The following TBCD variants were observed in gnomAD, a reference collection of about 807,000 sequenced individuals.
TBCD encodes the protein tubulin folding cofactor D.
TBCD carries 105 observed loss-of-function variants against 169.3 expected under a neutral mutation model. The ratio of observed to expected loss-of-function variants is 0.62; its 90% CI spans 0.53 to 0.73. The LOEUF is 0.73. TBCD is among the 30% of genes least tolerant of loss of function. The pLI is 0.00. For synonymous variants in TBCD, 700 were observed against 643.9 expected (o/e 1.09, Z -1.32); for missense variants, 1,444 against 1,600.1 (o/e 0.90, Z 1.66).
chr17:82,793,587 C>T (rs921618841), intron 7 of TBCD, among the ~76,000 whole-genome samples: 1 of 152,212 alleles, frequency 6.6e-6, no homozygotes, highest in Admixed American at 6.5e-5. Context: ...CTGCAGGGTG[C>T]AGCCCAGCAT....
At chr17:82,927,694 G>A (rs1032048807) in intron 29 of TBCD, among the ~76,000 whole-genome samples, 3 of 152,084 alleles carry the variant, frequency 2.0e-5, no homozygotes, top group South Asian at 2.1e-4. Context: ...TCGGGGCCCC[G>A]GTGTGTGTGG....
At chr17:82,925,690 C>T (rs747763514) in intron 27 of TBCD, among the ~76,000 whole-genome samples, 3 of 152,202 alleles carry the variant, frequency 2.0e-5, no homozygotes, top group Non-Finnish European at 2.9e-5. Context: ...GGGTGGGCCT[C>T]GCAGCCGCCA....
chr17:82,942,109 C>CTG (rs1241341022), intron 38 of TBCD: 4 of 438,690 alleles, frequency 9.1e-6, no homozygotes, highest in African/African-American at 2.0e-5. Flanking sequence ...TCCCCCATTT[C>CTG]TGTGTGTGTA....
In TBCD at chr17:82,930,288, A is replaced by G. The variant is rs6502015; in HGVS notation, c.2992-234A>G. The G allele has an allele frequency of 0.3, 163,097 of 550,702 alleles. 26,693 individuals are homozygous for G. Among genetic ancestry groups the G allele is most frequent in the African/African-American group, 0.55 (28,776 of 51,856 alleles). 34.1% of individuals were successfully genotyped at this position (550,702 alleles called of 1,614,324 possible). ...CGTCACGTGCTCTCCCGCATGTCCT[A>G]AGTGAGGGCTCAGGCTGAGCTGCCG... On this transcript the variant is annotated intron_variant, in intron 32 of 38. Transcript: ENST00000355528. The surrounding 1 kb of genome is among the most constrained non-coding windows in gnomAD (Gnocchi z 5.2).
chr17:82,830,751 C>T, intron 13 of TBCD: 1 of 1,613,934 alleles, frequency 6.2e-7, no homozygotes, highest in Non-Finnish European at 8.5e-7. Flanking sequence ...CCAGGTTTAT[C>T]TCTGATTTCT....
chr17:82,898,837 A>G lies in TBCD; in HGVS notation c.1650-1814A>G, dbSNP rs567771427. ...AAGATGTAACTTTTATTTTTGAGACATAATTTACACGCTTTCAGCTGCCCC... is the reference window on the plus strand; with the variant it reads ...AAGATGTAACTTTTATTTTTGAGACGTAATTTACACGCTTTCAGCTGCCCC... On this transcript the variant is annotated intron_variant, in intron 17 of 38. Transcript: ENST00000355528. Among the ~76,000 whole-genome samples, 3 of 149,848 alleles carry G rather than the reference A, an allele frequency of 2.0e-5. No homozygotes were observed. In the South Asian group the frequency reaches 6.3e-4, roughly 31 times the overall value.
rs2050939772 is a variant in TBCD, at chr17:82,806,096, C to T, written c.1087+85C>T. The T allele has an allele frequency of 5.8e-6, 9 of 1,539,672 alleles. No individual in the cohort carries two copies. The highest frequency in any genetic ancestry group is 1.8e-4 in the Middle Eastern group (1 of 5,686). On this transcript the variant is annotated intron_variant, in intron 10 of 38. Coordinates refer to ENST00000355528, the MANE Select transcript of TBCD (RefSeq NM_005993.5). The surrounding 1 kb of genome is among the most constrained non-coding windows in gnomAD (Gnocchi z 5.1). Reference sequence around the variant, plus strand: ...ACTCCAGGACCACACTTCCTTCTTCCTTGCTGGTGCCGGCACTGTCTGGCC... The same window carrying T: ...ACTCCAGGACCACACTTCCTTCTTCTTTGCTGGTGCCGGCACTGTCTGGCC...
chr17:82,810,785 G>C (rs925064647), intron 12 of TBCD, among the ~76,000 whole-genome samples: 1 of 152,242 alleles, frequency 6.6e-6, no homozygotes, highest in Non-Finnish European at 1.5e-5. Flanking sequence ...CGTGGCGAAA[G>C]CTGTGCTGTC....
chr17:82,856,085 A>G (rs1233966281), intron 13 of TBCD, among the ~76,000 whole-genome samples: 3 of 131,186 alleles, frequency 2.3e-5, no homozygotes, highest in East Asian at 2.2e-4. Flanking sequence ...TGATCCTCTC[A>G]TCTTGGCCTC....
At chr17:82,802,843 G>A (rs575776435) in intron 9 of TBCD, among the ~76,000 whole-genome samples, 47 of 152,360 alleles carry the variant, frequency 3.1e-4, no homozygotes, top group African/African-American at 1.1e-3. Context: ...GCCCCACGGC[G>A]CAGTCAGGTT....
intron 7 of TBCD, among the ~76,000 whole-genome samples, chr17:82,786,515 G>A (rs2049326826): frequency 6.6e-6 from 1 of 152,224 alleles, no homozygotes; most frequent in African/African-American, 2.4e-5. Flanking sequence ...TGGCCTGGGA[G>A]CCTCCCCTCC....
intron 7 of TBCD, among the ~76,000 whole-genome samples, chr17:82,790,397 G>A (rs936716341): frequency 1.6e-4 from 25 of 152,178 alleles, no homozygotes; most frequent in Non-Finnish European, 7.4e-5. Context: ...GCGTGGCCTC[G>A]GAAGCTTGTG....
At chr17:82,928,080 A>G (rs2061904807) in intron 30 of TBCD, 92 bp downstream of exon 30, 1 of 1,148,630 alleles carries the variant, frequency 8.7e-7, no homozygotes, top group East Asian at 2.4e-5. Context: ...GCTCAGTGGC[A>G]TTTGCACTGC....
At chr17:82,804,845 C>T (rs946688654) in intron 9 of TBCD, among the ~76,000 whole-genome samples, 1 of 152,220 alleles carries the variant, frequency 6.6e-6, no homozygotes, top group African/African-American at 2.4e-5. Flanking sequence ...AACTGCCCCC[C>T]TCCTTGTTTC....
chr17:82,854,034 G>A (rs541148554), intron 13 of TBCD, among the ~76,000 whole-genome samples: 27 of 152,192 alleles, frequency 1.8e-4, no homozygotes, highest in African/African-American at 6.0e-4. Context: ...CTTGTACCAC[G>A]AATATTCAGA....
intron 14 of TBCD, among the ~76,000 whole-genome samples, chr17:82,883,129 G>A (rs907389462): frequency 3.3e-5 from 5 of 152,248 alleles, no homozygotes; most frequent in Admixed American, 1.3e-4. Flanking sequence ...TGTCCCCGGC[G>A]TCCTTCATGT....
At chr17:82,892,808 ATGT>A (rs796698656) in intron 16 of TBCD, among the ~76,000 whole-genome samples, 11 of 152,252 alleles carry the variant, frequency 7.2e-5, no homozygotes, top group African/African-American at 2.6e-4. Context: ...GAAATTATTT[ATGT>A]TGTTTCCAGA....
At chr17:82,934,978 G>A (rs1259790544) in intron 34 of TBCD, among the ~76,000 whole-genome samples, 3 of 152,120 alleles carry the variant, frequency 2.0e-5, no homozygotes, top group African/African-American at 7.2e-5. Flanking sequence ...GTGCCTGTAC[G>A]GCTTGGGCCT....
chr17:82,855,890 G>T (rs746618094), intron 13 of TBCD, among the ~76,000 whole-genome samples: 5 of 151,536 alleles, frequency 3.3e-5, no homozygotes, highest in African/African-American at 4.9e-5. Context: ...TCTGCAATGC[G>T]TGACCCTTTG....
Sources: gnomAD v4.1 joint callset for allele counts (sites outside exome capture counted in the v4.1 genomes callset) on GRCh38, gnomAD v4.1.1 for gene constraint, Gnocchi (gnomAD v3.1) non-coding constraint, MANE v1.5 for transcripts, NCBI Gene and HGNC (gene_info 2026-07-23, HGNC 2026-07-21) for gene names.